CATSPERE: variants seen among roughly 807,000 people sequenced by gnomAD.
The protein encoded by CATSPERE is catsper channel auxiliary subunit epsilon.
In CATSPERE, 93 loss-of-function variants were observed where a neutral mutation model predicts 114.1. The ratio of observed to expected loss-of-function variants is 0.81; its 90% CI spans 0.69 to 0.97. CATSPERE has a LOEUF of 0.97. CATSPERE is among the 50% of genes least tolerant of loss of function. The pLI, the probability that CATSPERE is intolerant of heterozygous loss-of-function variation, is 0.00. For synonymous variants in CATSPERE, 341 were observed against 384.1 expected, an observed-to-expected ratio of 0.89 and a Z score of 1.31; for missense variants, 1,058 against 1,131.6, an observed-to-expected ratio of 0.93 and a Z score of 0.93.
chr1:244,571,109 T>G (rs1418352227), intron 10 of CATSPERE, among the ~76,000 whole-genome samples: 1 of 152,252 alleles, frequency 6.6e-6, no homozygotes, highest in Admixed American at 6.5e-5. Flanking sequence ...TGCAATTACT[T>G]TTTTATTCAG....
intron 20 of CATSPERE, among the ~76,000 whole-genome samples, chr1:244,626,965 A>G (rs115979703): frequency 5.1e-4 from 78 of 152,270 alleles, no homozygotes; most frequent in African/African-American, 1.8e-3. Flanking sequence ...TGTCGGTGCA[A>G]GCCCAGCTTT....
At chr1:244,544,286 T>G (rs1459457580) in intron 8 of CATSPERE, among the ~76,000 whole-genome samples, 1 of 152,132 alleles carries the variant, frequency 6.6e-6, no homozygotes, top group Non-Finnish European at 1.5e-5. Flanking sequence ...TATCAGACAT[T>G]TCACAGATTA....
At position 244,633,597 on chromosome 1, in the gene CATSPERE, A is replaced by C. The variant is rs976361595; in HGVS notation, c.2649-1892A>C. Among the ~76,000 whole-genome samples, 9 of 152,122 alleles carry C rather than the reference A, an allele frequency of 5.9e-5. No individual in the cohort carries two copies. Among genetic ancestry groups the C allele is most frequent in the African/African-American group, 2.2e-4 (9 of 41,422 alleles). On this transcript the variant is annotated intron_variant, in intron 20 of 21. Coordinates refer to ENST00000366534, the MANE Select transcript of CATSPERE (RefSeq NM_001130957.2). This position sits in a 1 kb window ranked among gnomAD's most constrained non-coding sequence, Gnocchi z 4.1. ...TAAGCCTTTCATTAAAGCCCTCTGGAGGACACATGTGCAGGCATGAGCACA... is the reference window on the plus strand; with the variant it reads ...TAAGCCTTTCATTAAAGCCCTCTGGCGGACACATGTGCAGGCATGAGCACA...
intron 19 of CATSPERE, 138 bp from the exon 20 acceptor site, chr1:244,617,391 T>C (rs1439457905): frequency 1.6e-6 from 1 of 609,172 alleles, no homozygotes; most frequent in African/African-American, 1.9e-5. Context: ...TAAAGTGCTA[T>C]AAAGAGCACT....
chr1:244,593,836 T>C (rs1332589204), intron 17 of CATSPERE, among the ~76,000 whole-genome samples: 1 of 152,144 alleles, frequency 6.6e-6, no homozygotes, highest in Non-Finnish European at 1.5e-5. Flanking sequence ...GCCCTTGCTT[T>C]ATCCCCTCTG....
At chr1:244,469,444 C>G (rs1442220155) in intron 2 of CATSPERE, among the ~76,000 whole-genome samples, 1 of 152,128 alleles carries the variant, frequency 6.6e-6, no homozygotes. Flanking sequence ...TATTTTGAAA[C>G]TATCCCATAC....
rs772223810 is a variant in CATSPERE at position 244,463,900 on chromosome 1, C to T, written c.66-8C>T. The T allele has an allele frequency of 1.3e-6, 2 of 1,592,346 alleles. No individual in the cohort carries two copies. Among genetic ancestry groups the T allele is most frequent in the Non-Finnish European group, 8.6e-7 (1 of 1,160,564 alleles). ...TTTAATATTTATACTTGGCCTCTTC[C>T]TCCACAGGTATTCCACTAACAGCCC... is the stretch of plus-strand genomic sequence containing the variant. On this transcript the variant is annotated splice_polypyrimidine_tract_variant and splice_region_variant and intron_variant, in intron 1 of 21. Transcript: ENST00000366534.
chr1:244,475,550 T>C (rs954861359), intron 2 of CATSPERE, among the ~76,000 whole-genome samples: 6 of 149,532 alleles, frequency 4.0e-5, no homozygotes, highest in African/African-American at 1.5e-4. Context: ...TTTTTTTTTT[T>C]TTTTTGAGAC....
At chr1:244,572,221 A>C in intron 10 of CATSPERE, 109 bp from the exon 11 acceptor site, 1 of 651,424 alleles carries the variant, frequency 1.5e-6, no homozygotes, top group Non-Finnish European at 2.7e-6. Flanking sequence ...TCAAAGTATG[A>C]AAATACTCGG....
intron 11 of CATSPERE, among the ~76,000 whole-genome samples, chr1:244,577,359 T>G (rs1042417158): frequency 6.6e-6 from 1 of 152,150 alleles, no homozygotes; most frequent in Non-Finnish European, 1.5e-5. Context: ...GATTTAGATT[T>G]ACATGCAGTC....
rs879447120 is a variant in CATSPERE at position 244,633,623 on chromosome 1, C to T, written c.2649-1866C>T. On this transcript the variant is annotated intron_variant, in intron 20 of 21. Transcript: ENST00000366534. The surrounding 1 kb of genome is among the most constrained non-coding windows in gnomAD (Gnocchi z 4.1). Reference sequence around the variant, plus strand: ...GGACACATGTGCAGGCATGAGCACACGCATGCACACACACACACACGCACA... The same window carrying T: ...GGACACATGTGCAGGCATGAGCACATGCATGCACACACACACACACGCACA... 1.2e-4 allele frequency among the ~76,000 whole-genome samples: 18 copies of T among 152,066 alleles called. No individual in the cohort carries two copies. Among genetic ancestry groups the T allele is most frequent in the South Asian group, 4.2e-4 (2 of 4,818 alleles).
At chr1:244,528,795 A>G (rs9988494) in intron 8 of CATSPERE, among the ~76,000 whole-genome samples, 90 of 139,878 alleles carry the variant, frequency 6.4e-4, no homozygotes, top group Middle Eastern at 3.5e-3. Flanking sequence ...CCACACACAC[A>G]CACACACACA....
At chr1:244,615,950 T>TA (rs35945015) in intron 19 of CATSPERE, among the ~76,000 whole-genome samples, 65,968 of 115,336 alleles carry the variant, frequency 0.57, 19,345 homozygotes, top group Middle Eastern at 0.7. Context: ...CCCCATCTCC[T>TA]AAAAAAAAAA....
At chr1:244,468,128 C>CT (rs1667909599) in intron 2 of CATSPERE, among the ~76,000 whole-genome samples, 1 of 150,488 alleles carries the variant, frequency 6.6e-6, no homozygotes. Flanking sequence ...AAATCTCGCT[C>CT]TGTCACCCAG....
chr1:244,549,427 A>G (rs1660258020), intron 8 of CATSPERE, among the ~76,000 whole-genome samples: 3 of 147,706 alleles, frequency 2.0e-5, no homozygotes, highest in Non-Finnish European at 4.4e-5. Context: ...ATGTCTATAT[A>G]TATATATAGA....
At chr1:244,533,789 G>A (rs1679967723) in intron 8 of CATSPERE, among the ~76,000 whole-genome samples, 1 of 152,074 alleles carries the variant, frequency 6.6e-6, no homozygotes, top group African/African-American at 2.4e-5. Context: ...TAACATGTGA[G>A]TAATTTACAC....
chr1:244,565,441 A>G (rs1242455689), intron 10 of CATSPERE, among the ~76,000 whole-genome samples: 1 of 152,176 alleles, frequency 6.6e-6, no homozygotes, highest in Non-Finnish European at 1.5e-5. Flanking sequence ...TTATTGGTCT[A>G]TTCAAGGATT....
chr1:244,591,244 T>C (rs1415658747), intron 14 of CATSPERE, among the ~76,000 whole-genome samples: 4 of 152,244 alleles, frequency 2.6e-5, no homozygotes, highest in Admixed American at 2.6e-4. Context: ...TTACCTCACA[T>C]AGTTATCATT....
intron 8 of CATSPERE, among the ~76,000 whole-genome samples, chr1:244,548,030 A>G (rs1660029079): frequency 6.6e-6 from 1 of 152,270 alleles, no homozygotes; most frequent in Admixed American, 6.5e-5. Context: ...GTACTTCAAA[A>G]GAACATGATT....
Sources: allele counts gnomAD v4.1 joint callset (sites outside exome capture counted in the v4.1 genomes callset), GRCh38; gene constraint gnomAD v4.1.1; non-coding constraint Gnocchi (gnomAD v3.1); transcripts MANE v1.5; gene names NCBI Gene and HGNC (gene_info 2026-07-23, HGNC 2026-07-21).